Variants in TCEA1 observed in about 807,000 individuals in gnomAD.
TCEA1 encodes transcription elongation factor A1.
TCEA1 carries 21 observed loss-of-function variants against 43.8 expected under a neutral mutation model. That is an observed-to-expected ratio of 0.48 (90% CI 0.34 to 0.69). TCEA1 has a LOEUF of 0.69. Among genes scored for constraint, TCEA1 ranks in the 30% least tolerant of loss-of-function variants. The probability of loss-of-function intolerance (pLI) is 0.01; values close to 1 mark genes in which losing one functional copy is unlikely to be tolerated. For synonymous variants in TCEA1, 104 were observed against 117.5 expected (o/e 0.88, Z 0.75); for missense variants, 250 against 365.1 (o/e 0.68, Z 2.57).
At chr8:53,985,966 C>T (rs1563479315) in intron 6 of TCEA1, among the ~76,000 whole-genome samples, 2 of 152,142 alleles carry the variant, frequency 1.3e-5, no homozygotes, top group Non-Finnish European at 2.9e-5. Context: ...TTTTCAATAA[C>T]AGGAAAAACA....
At chr8:53,976,445 C>T (rs542306124) in intron 8 of TCEA1, among the ~76,000 whole-genome samples, 201 of 152,280 alleles carry the variant, frequency 1.3e-3, no homozygotes, top group African/African-American at 4.6e-3. Context: ...CTCTTGGGTA[C>T]GTAGTAATCA....
At chr8:53,971,527 CTT>C (rs1227774787) in intron 8 of TCEA1, 1 of 153,148 alleles carries the variant, frequency 6.5e-6, no homozygotes, top group Non-Finnish European at 1.5e-5. Context: ...AGAAGAATAA[CTT>C]GAACCCCTGA....
intron 8 of TCEA1, among the ~76,000 whole-genome samples, chr8:53,970,748 A>G (rs1803132792): frequency 6.6e-6 from 1 of 152,202 alleles, no homozygotes; most frequent in South Asian, 2.1e-4. Context: ...GCTAATAAAT[A>G]TTTTAAAAAT....
chr8:53,990,249 G>C (rs1803830995), intron 4 of TCEA1, among the ~76,000 whole-genome samples: 1 of 151,044 alleles, frequency 6.6e-6, no homozygotes, highest in African/African-American at 2.4e-5. Context: ...GGTAGAGAAA[G>C]GGTCTATGTT....
intron 8 of TCEA1, chr8:53,972,603 G>C: frequency 3.5e-6 from 2 of 573,740 alleles, no homozygotes; most frequent in Non-Finnish European, 6.8e-6. Context: ...TATATTTCCT[G>C]TAAAAATATA....
chr8:54,003,491 A>G (rs558056039), intron 2 of TCEA1, among the ~76,000 whole-genome samples: 1 of 152,346 alleles, frequency 6.6e-6, no homozygotes, highest in South Asian at 2.1e-4. Context: ...TGGCAAAAGG[A>G]TGGACGCGCA....
At chr8:54,010,815 CTTTT>C (rs574178749) in intron 1 of TCEA1, among the ~76,000 whole-genome samples, 2 of 146,500 alleles carry the variant, frequency 1.4e-5, no homozygotes, top group African/African-American at 5.0e-5. Context: ...TTTATTATAA[CTTTT>C]TTTTTTTTTA....
At chr8:53,980,147 T>C (rs1192906758) in intron 7 of TCEA1, among the ~76,000 whole-genome samples, 1 of 152,156 alleles carries the variant, frequency 6.6e-6, no homozygotes, top group Non-Finnish European at 1.5e-5. Context: ...CAATGTAAAC[T>C]TACAACGAGT....
At chr8:54,022,014 G>C (rs761968329) in intron 1 of TCEA1, 49 bp downstream of exon 1, 1 of 1,542,994 alleles carries the variant, frequency 6.5e-7, no homozygotes, top group Admixed American at 2.0e-5. Context: ...CCCTCGGGCC[G>C]GACCGCGGCC....
chr8:54,018,366 T>A (rs964790512), intron 1 of TCEA1, among the ~76,000 whole-genome samples: 2 of 152,198 alleles, frequency 1.3e-5, no homozygotes, highest in African/African-American at 4.8e-5. Flanking sequence ...TCTAAATGAA[T>A]CCTTTACAAA....
At chr8:53,985,744 C>T (rs1803672600) in intron 6 of TCEA1, among the ~76,000 whole-genome samples, 1 of 152,184 alleles carries the variant, frequency 6.6e-6, no homozygotes, top group Non-Finnish European at 1.5e-5. Flanking sequence ...TCCTGGAGCC[C>T]TTTCCCGGTG....
intron 4 of TCEA1, among the ~76,000 whole-genome samples, chr8:53,989,125 T>A (rs970725640): frequency 1.3e-5 from 2 of 151,844 alleles, no homozygotes; most frequent in Admixed American, 1.3e-4. Flanking sequence ...GACAGTGAGT[T>A]CCCCAGTGAG....
chr8:54,007,319 G>C (rs1199154485), intron 2 of TCEA1, among the ~76,000 whole-genome samples: 1 of 152,060 alleles, frequency 6.6e-6, no homozygotes, highest in Non-Finnish European at 1.5e-5. Flanking sequence ...AGATAGTAAT[G>C]TTCATGCTCC....
intron 8 of TCEA1, chr8:53,974,233 T>A (rs977213753): frequency 6.5e-6 from 1 of 153,816 alleles, no homozygotes; most frequent in Admixed American, 6.5e-5. Flanking sequence ...TCTTTTTGAA[T>A]TGAAAACATC....
At position 53,987,017 on chromosome 8, in the gene TCEA1, T is replaced by A; in HGVS notation, c.475A>T (p.Ile159Phe). The change falls in exon 6 of 10, where the codon ATT becomes TTT. Residue 159 changes from isoleucine (I) to phenylalanine (F), a missense_variant. Ile to Phe is a conservative substitution (Grantham distance 21, BLOSUM62 0). Around this residue, in one of 4 missense-constraint regions of TCEA1, gnomAD observed 147 missense variants for 160.3 expected, o/e 0.92. Coordinates refer to ENST00000521604, the MANE Select transcript of TCEA1 (RefSeq NM_006756.4). ...TCTTCCTCATCAGCTCCAATTGCAA[T>A]GTAGTCATCTAAAAATAGGCATAAA... ...AAALRTGDDY[I>F]AIGADEEELG... The A allele has an allele frequency of 6.3e-7, 1 of 1,598,808 alleles. No individual in the cohort carries two copies. Among genetic ancestry groups the A allele is most frequent in the Middle Eastern group, 1.7e-4 (1 of 6,040 alleles).
chr8:53,994,863 T>C (rs1804000564), intron 3 of TCEA1, among the ~76,000 whole-genome samples: 1 of 148,564 alleles, frequency 6.7e-6, no homozygotes, highest in African/African-American at 2.5e-5. Context: ...AGAACAAGAC[T>C]CTGTCTCAAA....
intron 7 of TCEA1, among the ~76,000 whole-genome samples, chr8:53,979,865 G>A (rs1803450828): frequency 6.6e-6 from 1 of 152,104 alleles, no homozygotes; most frequent in African/African-American, 2.4e-5. Context: ...CAGAGGTACA[G>A]AAGGACCAGT....
intron 3 of TCEA1, among the ~76,000 whole-genome samples, chr8:53,994,632 GC>G (rs1803989105): frequency 6.6e-6 from 1 of 152,088 alleles, no homozygotes; most frequent in South Asian, 2.1e-4. Flanking sequence ...ACTTTGGAAG[GC>G]CACGGCGGGC....
At chr8:53,977,530 C>T (rs1803369519) in intron 8 of TCEA1, among the ~76,000 whole-genome samples, 1 of 152,062 alleles carries the variant, frequency 6.6e-6, no homozygotes. Context: ...TAAGTAAAGG[C>T]CCCTTTAGAG....
Sources: allele counts gnomAD v4.1 joint callset (sites outside exome capture counted in the v4.1 genomes callset), GRCh38; gene constraint gnomAD v4.1.1; regional missense constraint gnomAD v4.1.1; transcripts MANE v1.5; gene names NCBI Gene and HGNC (gene_info 2026-07-23, HGNC 2026-07-21).